The following LIG3 variants were observed in gnomAD, a reference collection of about 807,000 sequenced individuals.
The protein encoded by LIG3 is DNA ligase 3.
Under a neutral mutation model 110.9 loss-of-function variants are expected in LIG3, and 58 were observed. That is an observed-to-expected ratio of 0.52 (90% CI 0.42 to 0.65). The LOEUF is 0.65. Among genes scored for constraint, LIG3 ranks in the 30% least tolerant of loss-of-function variants. The pLI is 0.00. For missense variants in LIG3, 1,094 were observed against 1,273.8 expected (o/e 0.86, Z 2.15); for synonymous variants, 422 against 472.8 (o/e 0.89, Z 1.39).
At chr17:35,003,028 G>C (rs2090861096) in intron 19 of LIG3, 1 of 1,614,076 alleles carries the variant, frequency 6.2e-7, no homozygotes, top group Non-Finnish European at 8.5e-7. Context: ...AGGAAGAACT[G>C]TGCCAGCAGG....
At position 34,994,323 on chromosome 17, in the gene LIG3, T is replaced by A. The variant is rs749398953; in HGVS notation, c.1503T>A (p.Asn501Lys). ...AGTATGCAATGAAGAAATGTCCCAATGGCATGTTCTCTGAGATCAAGTACG... is the reference window on the plus strand; with the variant it reads ...AGTATGCAATGAAGAAATGTCCCAAAGGCATGTTCTCTGAGATCAAGTACG... ...SVEYAMKKCP[N>K]GMFSEIKYDG... The change falls in exon 9 of 20, where the codon AAT becomes AAA. Residue 501 changes from asparagine (N) to lysine (K), a missense_variant. Asn to Lys is a moderately conservative substitution (Grantham distance 94). Transcript: ENST00000378526. 3.7e-6 allele frequency: 6 copies of A among 1,614,062 alleles called. No homozygotes were observed. The highest frequency in any genetic ancestry group is 5.1e-6 in the Non-Finnish European group (6 of 1,180,000).
At chr17:34,992,392 G>A (rs951171196) in intron 7 of LIG3, 132 bp from the exon 8 acceptor site, 14 of 1,044,194 alleles carry the variant, frequency 1.3e-5, no homozygotes, top group Non-Finnish European at 1.8e-5. Context: ...TCTTGTGAAA[G>A]TCTTTAGACA....
rs780283646 is a variant in LIG3, at chr17:35,005,502, A to G, written c.*996A>G. The G allele has an allele frequency of 5.3e-6, 3 of 567,182 alleles. No individual in the cohort carries two copies. The highest frequency in any genetic ancestry group is 1.1e-5 in the Non-Finnish European group (3 of 280,634). 35.1% of individuals were successfully genotyped at this position (567,182 alleles called of 1,614,324 possible). ...CTGATGAACGTGGGCATCAGAGGCC[A>G]GTAGCTTTCTTGGCCTACAAAGTAA... is the stretch of plus-strand genomic sequence containing the variant. On this transcript the variant is annotated 3_prime_UTR_variant, in exon 20 of 20. Coordinates refer to ENST00000378526, the MANE Select transcript of LIG3 (RefSeq NM_013975.4).
In LIG3 at chr17:34,994,439, T is replaced by G; in HGVS notation, c.1611+8T>G. 1 of 1,611,902 alleles carries G rather than the reference T, an allele frequency of 6.2e-7. No homozygotes were observed. The highest frequency in any genetic ancestry group is 8.5e-7 in the Non-Finnish European group (1 of 1,178,844). On this transcript the variant is annotated splice_region_variant and intron_variant, in intron 9 of 19. Coordinates refer to ENST00000378526, the MANE Select transcript of LIG3 (RefSeq NM_013975.4). The stretch of plus-strand genomic sequence containing the variant: ...CCCGTCCTTCCTCACAAGGTATGAG[T>G]GCCTTCCTTTCTGCCAGGACCGTCT...
chr17:35,002,835 G>C (rs746041590), intron 19 of LIG3, 46 bp downstream of exon 19: 3 of 1,572,784 alleles, frequency 1.9e-6, no homozygotes, highest in African/African-American at 1.3e-5. Flanking sequence ...GTTTAGCCCA[G>C]GTTGTGTTCC....
rs1234747487 is a variant in LIG3, at chr17:35,005,619, A to T, written c.*1113A>T. 1 of 577,704 alleles carries T rather than the reference A, an allele frequency of 1.7e-6. No individual in the cohort carries two copies. The highest frequency in any genetic ancestry group is 1.9e-5 in the Admixed American group (1 of 52,980). 35.8% of individuals were successfully genotyped at this position (577,704 alleles called of 1,614,324 possible). On this transcript the variant is annotated 3_prime_UTR_variant, in exon 20 of 20. Coordinates refer to ENST00000378526, the MANE Select transcript of LIG3 (RefSeq NM_013975.4). The stretch of plus-strand genomic sequence containing the variant: ...TAATGCTGGACCAGTCGAATGCACC[A>T]AATATCCCAAAACTCAATCGATTTT...
chr17:34,988,810 G>C (rs760258282), intron 3 of LIG3, among the ~76,000 whole-genome samples: 5 of 152,154 alleles, frequency 3.3e-5, no homozygotes, highest in Non-Finnish European at 7.4e-5. Flanking sequence ...AAGTGGGCCA[G>C]GAAGTCATTT....
intron 14 of LIG3, chr17:34,998,975 G>A: frequency 1.9e-6 from 1 of 516,684 alleles, no homozygotes; most frequent in Non-Finnish European, 3.4e-6. Context: ...ATTTCGTCAG[G>A]GCCTGACAGC....
rs3136003 is a variant in LIG3, at chr17:34,997,271, T to A, written c.1824-467T>A. ...TGTTCCTCCTGCAACAGCCACATCC[T>A]TGATTGGGGAAGGAGAAGGAAGTAG... is the stretch of plus-strand genomic sequence containing the variant. On this transcript the variant is annotated intron_variant, in intron 11 of 19. Transcript: ENST00000378526. 9.1e-3 allele frequency: 1,577 copies of A among 173,764 alleles called. 26 individuals are homozygous for A. The highest frequency in any genetic ancestry group is 0.035 in the African/African-American group (1,488 of 42,530). 10.8% of individuals were successfully genotyped at this position (173,764 alleles called of 1,614,324 possible).
intron 7 of LIG3, 41 bp downstream of exon 7, chr17:34,992,076 T>A: frequency 2.5e-6 from 4 of 1,572,536 alleles, no homozygotes; most frequent in Non-Finnish European, 3.5e-6. Context: ...TGTCATTTGT[T>A]AGCTTTGTTT....
At chr17:34,982,415 C>G (rs1241311966) in intron 1 of LIG3, among the ~76,000 whole-genome samples, 1 of 152,040 alleles carries the variant, frequency 6.6e-6, no homozygotes. Context: ...GAGGCCGAGG[C>G]GGGCGAATCA....
At chr17:35,001,228 G>A in intron 16 of LIG3, 29 bp from the exon 17 acceptor site, 3 of 1,610,464 alleles carry the variant, frequency 1.9e-6, no homozygotes, top group Non-Finnish European at 2.5e-6. Context: ...TTCTTAACCA[G>A]TGATGACCTG....
Position 35,002,117 on chromosome 17 carries a change from AG to A in LIG3, c.2674+18del. 1 of 1,555,480 alleles carries A rather than the reference AG, an allele frequency of 6.4e-7. No individual in the cohort carries two copies. The highest frequency in any genetic ancestry group is 8.7e-7 in the Non-Finnish European group (1 of 1,151,656). On this transcript the variant is annotated intron_variant, in intron 18 of 19. Coordinates refer to ENST00000378526, the MANE Select transcript of LIG3 (RefSeq NM_013975.4). ...AACAGCAAAGATGGTAAGGATAGGG[AG>A]GGGGCTGGTATGGTGAAGAGGGCGG... is the stretch of plus-strand genomic sequence containing the variant.
At position 35,008,283 on chromosome 17, in the gene LIG3, A is replaced by G. The variant is rs570284376; in HGVS notation, c.*3777A>G. 2.6e-5 allele frequency: 4 copies of G among 152,222 alleles called. No homozygotes were observed. Among genetic ancestry groups the G allele is most frequent in the Non-Finnish European group, 5.9e-5 (4 of 68,050 alleles). 9.4% of individuals were successfully genotyped at this position (152,222 alleles called of 1,614,324 possible). A position where few individuals can be genotyped will look rare whatever the true frequency, so the allele number is the denominator to read the frequency against. On this transcript the variant is annotated 3_prime_UTR_variant, in exon 20 of 20. Coordinates refer to ENST00000378526, the MANE Select transcript of LIG3 (RefSeq NM_013975.4). ...CTCTCATTCTCTTCTAGGTTGTTCCATGGCCTCTTCCATATATTACATTTG... is the reference window on the plus strand; with the variant it reads ...CTCTCATTCTCTTCTAGGTTGTTCCGTGGCCTCTTCCATATATTACATTTG...
At position 35,002,705 on chromosome 17, in the gene LIG3, G is replaced by A. The variant is rs372207276; in HGVS notation, c.2712G>A (p.Val904=). 2.0e-5 allele frequency: 32 copies of A among 1,613,580 alleles called. No homozygotes were observed. In the Admixed American group the frequency reaches 4.5e-4, roughly 23 times the overall value. ...MQTAKPSAMK[V]GEKLATKSSP... ...CTGCAAAGCCTTCCGCTATGAAGGT[G>A]GGGGAGAAGCTGGCCACAAAGTCTT... Residue 904 remains valine, a synonymous_variant, in exon 19 of 20, where the codon GTG becomes GTA. Transcript: ENST00000378526.
chr17:34,998,082 C>T (rs903649409), intron 12 of LIG3, 137 bp from the exon 13 acceptor site: 3 of 702,576 alleles, frequency 4.3e-6, no homozygotes, highest in Non-Finnish European at 7.1e-6. Context: ...AACCTGCTTT[C>T]TAACCCTTTG....
At chr17:34,984,978 A>G (rs917228087) in intron 2 of LIG3, among the ~76,000 whole-genome samples, 2 of 152,082 alleles carry the variant, frequency 1.3e-5, no homozygotes, top group African/African-American at 4.8e-5. Context: ...GGGTTTCACC[A>G]TGTTGGTCCA....
chr17:35,010,567 C>G (rs2090931051), downstream of LIG3: 1 of 152,060 alleles, frequency 6.6e-6, no homozygotes, highest in African/African-American at 2.4e-5. Context: ...GCCTGGTGAA[C>G]ATGGTAAAAC....
chr17:35,003,904 G>A, intron 19 of LIG3: 1 of 228,106 alleles, frequency 4.4e-6, no homozygotes, highest in Non-Finnish European at 8.8e-6. Flanking sequence ...CAGTCTAGCA[G>A]GTTGTACAGA....
Sources: gnomAD v4.1 joint callset for allele counts (sites outside exome capture counted in the v4.1 genomes callset) on GRCh38, gnomAD v4.1.1 for gene constraint, MANE v1.5 for transcripts, NCBI Gene and HGNC (gene_info 2026-07-23, HGNC 2026-07-21) for gene names.